Variants in HIGD1C observed in about 807,000 individuals in gnomAD.
HIGD1C encodes the protein HIG1 hypoxia inducible domain family member 1C, also known as HIG1 domain family member 1C.
HIGD1C carries 11 observed loss-of-function variants against 13.1 expected under a neutral mutation model. The ratio of observed to expected loss-of-function variants is 0.84; its 90% CI spans 0.53 to 1.39. The LOEUF is 1.39. HIGD1C is among the 40% of genes most tolerant of loss of function. The pLI, the probability that HIGD1C is intolerant of heterozygous loss-of-function variation, is 0.00. For synonymous variants in HIGD1C, 36 were observed against 37.7 expected (o/e 0.95, Z 0.17); for missense variants, 110 against 112.0 (o/e 0.98, Z 0.08).
chr12:50,937,178 G>A, the HIGD1C span, among the ~76,000 whole-genome samples: 1 of 152,206 alleles, frequency 6.6e-6, no homozygotes, highest in Non-Finnish European at 1.5e-5. Context: ...TCCATGGCTA[G>A]TGACACCCCT....
intron 2 of HIGD1C, among the ~76,000 whole-genome samples, chr12:50,963,763 G>T (rs1939437223): frequency 6.6e-6 from 1 of 152,172 alleles, no homozygotes; most frequent in Non-Finnish European, 1.5e-5. Context: ...TCTCATACAG[G>T]ATGTCTCTTT....
At chr12:50,931,547 A>C in the HIGD1C span, 2 of 97,902 alleles carry the variant, frequency 2.0e-5, no homozygotes, top group South Asian at 4.2e-4. Context: ...CTAAAGATAC[A>C]AAAAAAAAAA....
At chr12:50,933,419 A>C in the HIGD1C span, among the ~76,000 whole-genome samples, 1 of 152,262 alleles carries the variant, frequency 6.6e-6, no homozygotes, top group African/African-American at 2.4e-5. Flanking sequence ...CAGAATCCCA[A>C]TCCAAACAGA....
chr12:50,968,842 C>G (rs1592272258), intron 2 of HIGD1C, among the ~76,000 whole-genome samples: 1 of 151,374 alleles, frequency 6.6e-6, no homozygotes, highest in Non-Finnish European at 1.5e-5. Context: ...ACGCCTGACC[C>G]TAATTTTTTT....
upstream of HIGD1C, among the ~76,000 whole-genome samples, chr12:50,951,424 C>T (rs1938893060): frequency 6.6e-6 from 1 of 152,182 alleles, no homozygotes; most frequent in African/African-American, 2.4e-5. Context: ...TTTGTCAGCA[C>T]CACACTGGAT....
intron 2 of HIGD1C, among the ~76,000 whole-genome samples, chr12:50,968,966 C>T (rs1189991461): frequency 6.6e-6 from 1 of 152,020 alleles, no homozygotes; most frequent in African/African-American, 2.4e-5. Context: ...GGCATGAGCC[C>T]CCACCACGCA....
chr12:50,945,343 T>G, the HIGD1C span, among the ~76,000 whole-genome samples: 5 of 152,220 alleles, frequency 3.3e-5, no homozygotes, highest in African/African-American at 1.2e-4. Flanking sequence ...TCCCATCGTC[T>G]CAGTCCAAAA....
At chr12:50,960,477 TG>T (rs1939282878) in intron 1 of HIGD1C, among the ~76,000 whole-genome samples, 1 of 152,218 alleles carries the variant, frequency 6.6e-6, no homozygotes, top group African/African-American at 2.4e-5. Context: ...CTAATTTTTC[TG>T]GGAAGAGTCA....
At chr12:50,956,502 C>T (rs319936) in intron 1 of HIGD1C, among the ~76,000 whole-genome samples, 72,457 of 152,064 alleles carry the variant, frequency 0.48, 18,243 homozygotes, top group South Asian at 0.65. Flanking sequence ...ATGCAGGTAA[C>T]TTACAAAACA....
chr12:50,968,239 G>T (rs921817699), intron 2 of HIGD1C, among the ~76,000 whole-genome samples: 2 of 152,164 alleles, frequency 1.3e-5, no homozygotes, highest in African/African-American at 4.8e-5. Flanking sequence ...TAATACTGGG[G>T]ACTGAAGTCA....
At chr12:50,954,043 A>T in exon 1 of HIGD1C, 1 of 1,613,540 alleles carries the variant, frequency 6.2e-7, no homozygotes, top group Non-Finnish European at 8.5e-7. Context: ...ATGAAGGCCA[A>T]TTATCCCGAC....
At chr12:50,967,888 A>C (rs935903223) in intron 2 of HIGD1C, among the ~76,000 whole-genome samples, 1 of 152,030 alleles carries the variant, frequency 6.6e-6, no homozygotes, top group Non-Finnish European at 1.5e-5. Context: ...GGAGTTTGAG[A>C]CCATTCTGGG....
chr12:50,971,243 G>T (rs1939751319), downstream of HIGD1C, among the ~76,000 whole-genome samples: 1 of 151,088 alleles, frequency 6.6e-6, no homozygotes, highest in Admixed American at 6.6e-5. Context: ...CCCCAAATAG[G>T]GCAAAGTAAT....
chr12:50,969,719 A>AAAC (rs1939690391), intron 2 of HIGD1C, among the ~76,000 whole-genome samples: 1 of 151,466 alleles, frequency 6.6e-6, no homozygotes, highest in African/African-American at 2.4e-5. Context: ...AAAAAAACAA[A>AAAC]AACAAAACGT....
At position 50,953,988 on chromosome 12, in the gene HIGD1C, T is replaced by G; in HGVS notation, c.-11T>G. ...AACCACATTTATATCCTATTGTTACTAGAGAAAAAAATGTCTTCAGATAAC... is the reference window on the plus strand; with the variant it reads ...AACCACATTTATATCCTATTGTTACGAGAGAAAAAAATGTCTTCAGATAAC... On this transcript the variant is annotated 5_prime_UTR_variant, in exon 1 of 3. Transcript: ENST00000398455. The G allele has an allele frequency of 6.4e-7, 1 of 1,552,550 alleles. No homozygotes were observed. Among genetic ancestry groups the G allele is most frequent in the Non-Finnish European group, 8.9e-7 (1 of 1,125,396 alleles).
At chr12:50,941,246 C>G in the HIGD1C span, among the ~76,000 whole-genome samples, 1 of 152,112 alleles carries the variant, frequency 6.6e-6, no homozygotes, top group Non-Finnish European at 1.5e-5. Context: ...CCTCGATCTC[C>G]CAAAGTGCTG....
intron 2 of HIGD1C, among the ~76,000 whole-genome samples, chr12:50,963,786 G>A (rs1289095087): frequency 6.6e-6 from 1 of 152,122 alleles, no homozygotes; most frequent in African/African-American, 2.4e-5. Context: ...CACTAACCCT[G>A]GTAATAAAAG....
chr12:50,945,714 G>A, the HIGD1C span, among the ~76,000 whole-genome samples: 2 of 152,144 alleles, frequency 1.3e-5, no homozygotes, highest in African/African-American at 4.8e-5. Context: ...TTTCTTCACA[G>A]AATTGGGAAA....
chr12:50,942,269 T>G, the HIGD1C span, among the ~76,000 whole-genome samples: 1 of 152,176 alleles, frequency 6.6e-6, no homozygotes, highest in African/African-American at 2.4e-5. Flanking sequence ...TACTCTATAT[T>G]TTTTAACTTA....
Sources: gnomAD v4.1 joint callset for allele counts (sites outside exome capture counted in the v4.1 genomes callset) on GRCh38, gnomAD v4.1.1 for gene constraint, MANE v1.5 for transcripts, NCBI Gene and HGNC (gene_info 2026-07-23, HGNC 2026-07-21) for gene names.